ACTR2: variants seen among roughly 807,000 people sequenced by gnomAD.
ACTR2 encodes the protein actin related protein 2, also known as actin-related protein 2.
In ACTR2, 5 loss-of-function variants were observed where a neutral mutation model predicts 50.2. The ratio of observed to expected loss-of-function variants is 0.10; its 90% CI spans 0.05 to 0.21. ACTR2 has a LOEUF of 0.21. Ranked by LOEUF, ACTR2 falls within the 10% of genes least tolerant of loss-of-function variation. The pLI, the probability that ACTR2 is intolerant of heterozygous loss-of-function variation, is 1.00. For missense variants in ACTR2, 180 were observed against 480.6 expected (o/e 0.37, Z 5.85); for synonymous variants, 140 against 162.9 (o/e 0.86, Z 1.07).
chr2:65,253,689 A>G (rs756076650), intron 4 of ACTR2, 39 bp from the exon 5 acceptor site: 3 of 1,596,736 alleles, frequency 1.9e-6, no homozygotes, highest in South Asian at 2.3e-5. Context: ...GGTTTTCCTG[A>G]TTTGACTTTT....
chr2:65,265,394 A>G, intron 8 of ACTR2: 1 of 606,636 alleles, frequency 1.6e-6, no homozygotes, highest in Non-Finnish European at 2.9e-6. Context: ...GTCAGGGCCA[A>G]AAGTTCTGGT....
At chr2:65,239,714 G>C (rs1272655892) in intron 1 of ACTR2, 138 bp from the exon 2 acceptor site, 1 of 641,924 alleles carries the variant, frequency 1.6e-6, no homozygotes, top group African/African-American at 1.9e-5. Flanking sequence ...GATAGATTGA[G>C]TGGCTACTTC....
chr2:65,265,387 A>C, intron 8 of ACTR2: 1 of 616,610 alleles, frequency 1.6e-6, no homozygotes, highest in South Asian at 1.9e-5. Context: ...CAGTGAGGTC[A>C]GGGCCAAAAG....
chr2:65,266,886 C>G (rs1028874500), intron 8 of ACTR2, among the ~76,000 whole-genome samples: 1 of 152,078 alleles, frequency 6.6e-6, no homozygotes, highest in Admixed American at 6.5e-5. Context: ...ACAGCAGGTG[C>G]AATTTGTCTG....
intron 1 of ACTR2, among the ~76,000 whole-genome samples, chr2:65,228,627 G>T (rs1359391237): frequency 6.6e-6 from 1 of 151,972 alleles, no homozygotes; most frequent in African/African-American, 2.4e-5. Context: ...AGTGGTTTTG[G>T]GTGACCTAGG....
chr2:65,264,452 A>G (rs1182418852), intron 7 of ACTR2, among the ~76,000 whole-genome samples: 1 of 152,166 alleles, frequency 6.6e-6, no homozygotes, highest in East Asian at 1.9e-4. Flanking sequence ...TGTTACTTTT[A>G]CTACATATGC....
At chr2:65,232,397 T>C (rs1048227844) in intron 1 of ACTR2, among the ~76,000 whole-genome samples, 2 of 152,266 alleles carry the variant, frequency 1.3e-5, no homozygotes, top group Non-Finnish European at 2.9e-5. Context: ...TAGTTGATTG[T>C]GGCCTGCTTT....
chr2:65,239,598 T>C (rs925406125), intron 1 of ACTR2, among the ~76,000 whole-genome samples: 29 of 152,238 alleles, frequency 1.9e-4, no homozygotes, highest in African/African-American at 6.5e-4. Flanking sequence ...CCTGCTCTTA[T>C]GAGGCTTTTG....
intron 1 of ACTR2, 192 bp downstream of exon 1, chr2:65,228,149 T>C: frequency 4.3e-6 from 2 of 461,684 alleles, no homozygotes; most frequent in Non-Finnish European, 7.3e-6. Context: ...CTGCCACCCA[T>C]TTAGCCTGCC....
intron 6 of ACTR2, among the ~76,000 whole-genome samples, chr2:65,257,646 C>T (rs1221794143): frequency 6.6e-6 from 1 of 152,204 alleles, no homozygotes; most frequent in Non-Finnish European, 1.5e-5. Context: ...GCCATTCTAA[C>T]TGGCATGAGA....
chr2:65,242,933 T>G (rs928530830), intron 2 of ACTR2, among the ~76,000 whole-genome samples: 9 of 152,190 alleles, frequency 5.9e-5, no homozygotes, highest in Non-Finnish European at 1.0e-4. Context: ...AAGAGGAAAT[T>G]TATCCTAAAT....
At chr2:65,236,438 A>G (rs1671740475) in intron 1 of ACTR2, among the ~76,000 whole-genome samples, 1 of 152,308 alleles carries the variant, frequency 6.6e-6, no homozygotes, top group South Asian at 2.1e-4. Flanking sequence ...GGGCTGCTGT[A>G]GAGATCTTTG....
rs930746545 is a variant in ACTR2, at chr2:65,245,381, G to A, written c.160-1143G>A. On this transcript the variant is annotated intron_variant, in intron 2 of 8. Coordinates refer to ENST00000260641, the MANE Select transcript of ACTR2 (RefSeq NM_005722.4). ...CTAAAAATACAAAAATTAGCCAGGCGTGGTGGCAGGTGCCTGTAATCCCAG... is the reference window on the plus strand; with the variant it reads ...CTAAAAATACAAAAATTAGCCAGGCATGGTGGCAGGTGCCTGTAATCCCAG... 3.3e-5 allele frequency among the ~76,000 whole-genome samples: 5 copies of A among 152,072 alleles called. No homozygotes were observed. In the South Asian group the frequency reaches 8.3e-4, roughly 25 times the overall value.
At chr2:65,256,025 C>T (rs1428535203) in intron 6 of ACTR2, among the ~76,000 whole-genome samples, 2 of 152,138 alleles carry the variant, frequency 1.3e-5, no homozygotes, top group Non-Finnish European at 2.9e-5. Context: ...TGCTAATAAG[C>T]ATTTCACAAA....
At chr2:65,265,762 T>G (rs1008834394) in intron 8 of ACTR2, among the ~76,000 whole-genome samples, 14 of 152,244 alleles carry the variant, frequency 9.2e-5, no homozygotes, top group Non-Finnish European at 1.3e-4. Flanking sequence ...TTTTGTGTTT[T>G]TTCCACCAGA....
intron 3 of ACTR2, among the ~76,000 whole-genome samples, chr2:65,247,683 C>T (rs150401598): frequency 1.0e-3 from 153 of 152,002 alleles, no homozygotes; most frequent in African/African-American, 3.3e-3. Context: ...GTCTTCACAC[C>T]GACGAAGAAG....
At chr2:65,256,137 A>G (rs1247331985) in intron 6 of ACTR2, among the ~76,000 whole-genome samples, 2 of 152,222 alleles carry the variant, frequency 1.3e-5, no homozygotes, top group African/African-American at 4.8e-5. Context: ...CACAATTAAT[A>G]TAGTATGCGT....
intron 3 of ACTR2, among the ~76,000 whole-genome samples, chr2:65,249,822 A>T (rs1438975585): frequency 6.6e-6 from 1 of 152,230 alleles, no homozygotes. Flanking sequence ...TGGAGGTTGT[A>T]ATTACAGTCT....
chr2:65,247,364 A>C (rs1442596166), intron 3 of ACTR2, among the ~76,000 whole-genome samples: 8 of 152,012 alleles, frequency 5.3e-5, no homozygotes, highest in Non-Finnish European at 2.9e-5. Context: ...GGAGGCGGGC[A>C]GATCACAAGG....
Sources: gnomAD v4.1 joint callset for allele counts (sites outside exome capture counted in the v4.1 genomes callset) on GRCh38, gnomAD v4.1.1 for gene constraint, MANE v1.5 for transcripts, NCBI Gene and HGNC (gene_info 2026-07-23, HGNC 2026-07-21) for gene names.